The following CFAP46 variants were observed in gnomAD, a reference collection of about 807,000 sequenced individuals.
The protein encoded by CFAP46 is cilia and flagella associated protein 46.
Under a neutral mutation model 325.7 loss-of-function variants are expected in CFAP46, and 245 were observed. The ratio of observed to expected loss-of-function variants is 0.75; its 90% CI spans 0.68 to 0.84. CFAP46 has a LOEUF of 0.84. Ranked by LOEUF, CFAP46 falls within the 40% of genes least tolerant of loss-of-function variation. The pLI is 0.00. For synonymous variants in CFAP46, 1,523 were observed against 1,495.9 expected (o/e 1.02, Z -0.42); for missense variants, 3,346 against 3,543.0 (o/e 0.94, Z 1.41).
Position 132,934,747 on chromosome 10 carries a change from C to A in CFAP46, c.866+5G>T. 6.5e-7 allele frequency: 1 copy of A among 1,549,854 alleles called. No individual in the cohort carries two copies. The highest frequency in any genetic ancestry group is 8.9e-7 in the Non-Finnish European group (1 of 1,124,344). On this transcript the variant is annotated splice_donor_5th_base_variant and intron_variant, in intron 8 of 57. Transcript: ENST00000368586. ...ATGTGATATTGGAAAAATACAAACACTTACTTTTCTTCACTGATAGAGGGA... is the reference window on the plus strand; with the variant it reads ...ATGTGATATTGGAAAAATACAAACAATTACTTTTCTTCACTGATAGAGGGA...
At position 132,919,352 on chromosome 10, in the gene CFAP46, A is replaced by G; in HGVS notation, c.1821T>C (p.Tyr607=). The change falls in exon 15 of 58, where the codon TAT becomes TAC. Residue 607 remains tyrosine, a synonymous_variant. Transcript: ENST00000368586. The surrounding 1 kb of genome is among the most constrained non-coding windows in gnomAD (Gnocchi z 9.7). ...CRTASRFCLL[Y]DNVKVKKLRL... is the part of the protein sequence containing the mutation. ...TCAACTTCTTCACCTTGACGTTGTCATACAGGAGGCAGAAGCGGCTCGCCG... is the reference window on the plus strand; with the variant it reads ...TCAACTTCTTCACCTTGACGTTGTCGTACAGGAGGCAGAAGCGGCTCGCCG... The G allele has an allele frequency of 1.3e-6, 2 of 1,550,198 alleles. No homozygotes were observed. Among genetic ancestry groups the G allele is most frequent in the African/African-American group, 1.4e-5 (1 of 73,164 alleles).
At chr10:132,911,339 G>A (rs968871109) in intron 19 of CFAP46, among the ~76,000 whole-genome samples, 10 of 152,330 alleles carry the variant, frequency 6.6e-5, no homozygotes, top group Admixed American at 1.3e-4. Flanking sequence ...TGTGAGCGTT[G>A]TGAGTGCCGG....
At chr10:132,858,687 A>T (rs1848682372) in intron 38 of CFAP46, among the ~76,000 whole-genome samples, 1 of 151,228 alleles carries the variant, frequency 6.6e-6, no homozygotes, top group Non-Finnish European at 1.5e-5. Context: ...TGCACGTGTG[A>T]CCTGGGCCTG....
rs1368397078 is a variant in CFAP46 at position 132,880,868 on chromosome 10, C to T, written c.3792G>A (p.Thr1264=). ...CCAGCGGCGTGGGCTCACCATCCGG[C>T]GTGGGCTGTGGCTCAGGGACATCGC... ...PPGDVPEPQP[T]PDGEYVAVEM... Residue 1264 remains threonine (T), a synonymous_variant, in exon 28 of 58, where the codon ACG becomes ACA. Coordinates refer to ENST00000368586, the MANE Select transcript of CFAP46 (RefSeq NM_001200049.3). 5.2e-6 allele frequency: 8 copies of T among 1,547,570 alleles called. No homozygotes were observed. In the African/African-American group the frequency reaches 8.2e-5, roughly 16 times the overall value.
At chr10:132,911,154 C>A (rs1026335020) in intron 19 of CFAP46, among the ~76,000 whole-genome samples, 1 of 152,254 alleles carries the variant, frequency 6.6e-6, no homozygotes, top group African/African-American at 2.4e-5. Flanking sequence ...AGCCTCCAGC[C>A]TGATCCCTGT....
chr10:132,887,185 TCTCTCTC>T (rs1254002234), intron 25 of CFAP46, among the ~76,000 whole-genome samples: 3 of 90,884 alleles, frequency 3.3e-5, no homozygotes, highest in South Asian at 3.9e-4. Context: ...TCCCCTCTTC[TCTCTCTC>T]CTCTCTCCTC....
chr10:132,854,956 T>C (rs1056008873), intron 39 of CFAP46, among the ~76,000 whole-genome samples: 2 of 152,242 alleles, frequency 1.3e-5, no homozygotes, highest in African/African-American at 4.8e-5. Context: ...ATACAGTCCA[T>C]CTTGAAACAT....
intron 24 of CFAP46, among the ~76,000 whole-genome samples, chr10:132,894,332 T>C (rs936427402): frequency 6.6e-6 from 1 of 152,278 alleles, no homozygotes; most frequent in Non-Finnish European, 1.5e-5. Context: ...GCACATTAGA[T>C]AAAACTTACG....
chr10:132,863,817 G>A (rs1424568797), intron 35 of CFAP46, among the ~76,000 whole-genome samples: 1 of 124,138 alleles, frequency 8.1e-6, no homozygotes, highest in Non-Finnish European at 1.6e-5. Context: ...GCACGCACCT[G>A]TCCCCCTGCC....
Position 132,827,282 on chromosome 10 carries a change from C to A in CFAP46, c.7117+6076G>T, listed in dbSNP as rs1006066560. Among the ~76,000 whole-genome samples, 1 of 152,072 alleles carries A rather than the reference C, an allele frequency of 6.6e-6. No individual in the cohort carries two copies. On this transcript the variant is annotated intron_variant, in intron 50 of 57. Coordinates refer to ENST00000368586, the MANE Select transcript of CFAP46 (RefSeq NM_001200049.3). This position sits in a 1 kb window ranked among gnomAD's most constrained non-coding sequence, Gnocchi z 5.7. ...GGGGCTGACCGTGGCCTGTGATGGA[C>A]GGGGCACCCAGTGGGCCAGAATCAG...
rs116029460 is a variant in CFAP46, at chr10:132,900,894, C to T, written c.2925-1228G>A. The stretch of plus-strand genomic sequence containing the variant: ...TCTACAGCTAGAATCGTAGACGTAT[C>T]CATGTTTTACTTCCTGTATTTTCAA... On this transcript the variant is annotated intron_variant, in intron 22 of 57. Coordinates refer to ENST00000368586, the MANE Select transcript of CFAP46 (RefSeq NM_001200049.3). 3.2e-3 allele frequency among the ~76,000 whole-genome samples: 482 copies of T among 152,316 alleles called. 3 individuals are homozygous for T. Among genetic ancestry groups the T allele is most frequent in the African/African-American group, 0.011 (458 of 41,572 alleles).
chr10:132,845,958 C>G (rs898180159), intron 44 of CFAP46, 99 bp downstream of exon 44: 2 of 1,343,564 alleles, frequency 1.5e-6, no homozygotes, highest in South Asian at 2.9e-5. Context: ...GGGGGGTGAG[C>G]AAGGCTGCCT....
intron 11 of CFAP46, 85 bp from the exon 12 acceptor site, chr10:132,922,793 A>T (rs1293529152): frequency 6.4e-6 from 7 of 1,101,118 alleles, no homozygotes; most frequent in African/African-American, 4.6e-5. Flanking sequence ...GAAGGCCTGC[A>T]GTGGCCCCAG....
chr10:132,940,077 T>C (rs1298201493), intron 4 of CFAP46, among the ~76,000 whole-genome samples: 2 of 152,024 alleles, frequency 1.3e-5, no homozygotes, highest in Non-Finnish European at 2.9e-5. Flanking sequence ...ATACCCCTTG[T>C]CTTTAGAATC....
intron 37 of CFAP46, among the ~76,000 whole-genome samples, chr10:132,859,585 G>A (rs1848695724): frequency 6.6e-6 from 1 of 152,030 alleles, no homozygotes; most frequent in Non-Finnish European, 1.5e-5. Context: ...TGAAGCGTTG[G>A]GCTGTTCACA....
chr10:132,841,091 C>A (rs779268352), intron 44 of CFAP46, among the ~76,000 whole-genome samples: 15 of 152,180 alleles, frequency 9.9e-5, no homozygotes, highest in African/African-American at 2.9e-4. Context: ...TAGCATTCTG[C>A]CCCCAAAACT....
chr10:132,835,263 G>T (rs764300058), intron 47 of CFAP46, 41 bp downstream of exon 47: 1 of 1,603,622 alleles, frequency 6.2e-7, no homozygotes, highest in Non-Finnish European at 8.5e-7. Flanking sequence ...GTGGGGAGCA[G>T]AGGGTCCCGG....
chr10:132,938,042 G>A (rs1157037923), intron 5 of CFAP46, among the ~76,000 whole-genome samples: 1 of 152,210 alleles, frequency 6.6e-6, no homozygotes, highest in Non-Finnish European at 1.5e-5. Flanking sequence ...CCCGTCCCCA[G>A]CCTGCACAGA....
rs148990586 is a variant in CFAP46, at chr10:132,910,643, G to A, written c.2500-575C>T. The stretch of plus-strand genomic sequence containing the variant: ...TCGGTGAGTCCTTGTTCAGAGCCTC[G>A]CCCGGTGCAGGAAGCACTGGCCACC... On this transcript the variant is annotated intron_variant, in intron 19 of 57. Coordinates refer to ENST00000368586, the MANE Select transcript of CFAP46 (RefSeq NM_001200049.3). Among the ~76,000 whole-genome samples the A allele has an allele frequency of 2.7e-3, 413 of 152,236 alleles. 5 individuals carry two copies. The South Asian group carries it at 0.061, about 23-fold the overall frequency.
Sources: gnomAD v4.1 joint callset for allele counts (sites outside exome capture counted in the v4.1 genomes callset) on GRCh38, gnomAD v4.1.1 for gene constraint, Gnocchi (gnomAD v3.1) non-coding constraint, MANE v1.5 for transcripts, NCBI Gene and HGNC (gene_info 2026-07-23, HGNC 2026-07-21) for gene names.